XPO7: variants seen among roughly 807,000 people sequenced by gnomAD.
XPO7 encodes the protein exportin 7.
In XPO7, 21 loss-of-function variants were observed where a neutral mutation model predicts 144.3. The observed-to-expected ratio is 0.15, with a 90% CI of 0.10 to 0.21. XPO7 has a LOEUF of 0.21. Ranked by LOEUF, XPO7 falls within the 10% of genes least tolerant of loss-of-function variation. The probability of loss-of-function intolerance (pLI) is 1.00; values close to 1 mark genes in which losing one functional copy is unlikely to be tolerated. For synonymous variants in XPO7, 580 were observed against 499.6 expected (o/e 1.16, Z -2.15); for missense variants, 808 against 1,325.8 (o/e 0.61, Z 6.06).
At chr8:21,990,692 C>T in intron 17 of XPO7, 119 bp from the exon 18 acceptor site, 1 of 1,074,202 alleles carries the variant, frequency 9.3e-7, no homozygotes. Flanking sequence ...CCTTCAGATC[C>T]TCAAGGAATG....
At chr8:21,933,201 A>G (rs1022124634) in intron 1 of XPO7, among the ~76,000 whole-genome samples, 1 of 149,756 alleles carries the variant, frequency 6.7e-6, no homozygotes, top group Non-Finnish European at 1.5e-5. Flanking sequence ...CCTGGGTTCA[A>G]GTGATTCTCC....
chr8:21,977,240 TGAAAGAA>T (rs1339803158), intron 7 of XPO7, among the ~76,000 whole-genome samples: 3 of 152,168 alleles, frequency 2.0e-5, no homozygotes, highest in African/African-American at 7.2e-5. Context: ...CTCAGAGAAT[TGAAAGAA>T]GAAATCTGTT....
intron 1 of XPO7, among the ~76,000 whole-genome samples, chr8:21,960,977 ATAAT>A (rs1206448439): frequency 1.7e-4 from 26 of 152,368 alleles, no homozygotes; most frequent in African/African-American, 6.0e-4. Context: ...AAATATATAA[ATAAT>A]TAAAGTATGC....
intron 1 of XPO7, among the ~76,000 whole-genome samples, chr8:21,959,586 A>G (rs1214062330): frequency 6.6e-6 from 1 of 152,166 alleles, no homozygotes; most frequent in African/African-American, 2.4e-5. Flanking sequence ...ATCCTACACT[A>G]CAATCACAAG....
At chr8:22,001,253 C>T (rs1456257970) in intron 24 of XPO7, among the ~76,000 whole-genome samples, 1 of 151,592 alleles carries the variant, frequency 6.6e-6, no homozygotes, top group African/African-American at 2.4e-5. Flanking sequence ...CTGTGGTGAG[C>T]CGAGATCGTG....
chr8:21,978,768 G>A (rs1260450012), intron 8 of XPO7, among the ~76,000 whole-genome samples: 2 of 152,190 alleles, frequency 1.3e-5, no homozygotes, highest in Non-Finnish European at 2.9e-5. Context: ...TGGACAACAA[G>A]AACTACAGCC....
At chr8:21,966,636 A>C (rs1811893297) in intron 1 of XPO7, among the ~76,000 whole-genome samples, 1 of 104,650 alleles carries the variant, frequency 9.6e-6, no homozygotes, top group African/African-American at 4.1e-5. Flanking sequence ...ATGATGAAAA[A>C]GTTATATAGG....
intron 5 of XPO7, 61 bp from the exon 6 acceptor site, chr8:21,974,609 A>G (rs574012527): frequency 2.6e-6 from 3 of 1,165,794 alleles, no homozygotes; most frequent in South Asian, 3.0e-5. Context: ...TAGGAAGTCT[A>G]CATGAAAAAT....
At chr8:21,982,942 TCTTC>T in intron 11 of XPO7, 130 bp downstream of exon 11, 2 of 1,160,952 alleles carry the variant, frequency 1.7e-6, no homozygotes, top group Non-Finnish European at 2.4e-6. Context: ...TCATGGTTCT[TCTTC>T]CTTGTCAGCA....
intron 4 of XPO7, among the ~76,000 whole-genome samples, chr8:21,971,132 C>A (rs942534856): frequency 1.1e-4 from 16 of 152,186 alleles, no homozygotes; most frequent in African/African-American, 3.9e-4. Context: ...AGTATAGTCA[C>A]GTGGTGTACA....
chr8:21,936,075 T>C (rs1810812551), intron 1 of XPO7, among the ~76,000 whole-genome samples: 1 of 152,218 alleles, frequency 6.6e-6, no homozygotes, highest in Non-Finnish European at 1.5e-5. Context: ...TCTTACCACC[T>C]ATCAGACAAT....
intron 16 of XPO7, 88 bp from the exon 17 acceptor site, chr8:21,990,256 G>A (rs1812726023): frequency 2.3e-6 from 3 of 1,324,392 alleles, no homozygotes; most frequent in African/African-American, 1.5e-5. Flanking sequence ...ATATTTGGGT[G>A]AACTGTCCTT....
intron 8 of XPO7, among the ~76,000 whole-genome samples, chr8:21,979,053 A>G (rs943734428): frequency 6.6e-6 from 1 of 152,188 alleles, no homozygotes; most frequent in African/African-American, 2.4e-5. Flanking sequence ...CTTCAGGGAT[A>G]AAGCTGGGTT....
chr8:21,960,460 A>G (rs1275576102), intron 1 of XPO7, among the ~76,000 whole-genome samples: 2 of 152,346 alleles, frequency 1.3e-5, no homozygotes, highest in East Asian at 1.9e-4. Context: ...GTGACTAGGT[A>G]CATTCTGGCT....
intron 1 of XPO7, among the ~76,000 whole-genome samples, chr8:21,938,321 A>G (rs574660138): frequency 9.2e-5 from 14 of 152,348 alleles, no homozygotes; most frequent in African/African-American, 3.4e-4. Flanking sequence ...TTTGAAAGTT[A>G]TGGAATTCAT....
intron 1 of XPO7, among the ~76,000 whole-genome samples, chr8:21,934,620 C>T (rs1310758193): frequency 6.6e-6 from 1 of 151,942 alleles, no homozygotes; most frequent in African/African-American, 2.4e-5. Context: ...GGACAGTGTA[C>T]CAGACAAAAA....
intron 1 of XPO7, among the ~76,000 whole-genome samples, chr8:21,927,772 C>T (rs184294410): frequency 8.6e-5 from 13 of 152,006 alleles, no homozygotes; most frequent in African/African-American, 2.4e-4. Flanking sequence ...CTTGAGCTCC[C>T]GACCTCAGGT....
At chr8:21,985,483 C>G (rs1207694822) in intron 12 of XPO7, 103 bp from the exon 13 acceptor site, 12 of 1,098,264 alleles carry the variant, frequency 1.1e-5, no homozygotes, top group African/African-American at 1.5e-5. Flanking sequence ...AGTAAGACTT[C>G]ATGGTTTCAC....
chr8:21,976,860 T>A (rs1228922833), intron 7 of XPO7, among the ~76,000 whole-genome samples: 1 of 152,128 alleles, frequency 6.6e-6, no homozygotes, highest in African/African-American at 2.4e-5. Flanking sequence ...GGTCTAACAA[T>A]GTTGCCCAAG....
Sources: gnomAD v4.1 joint callset for allele counts (sites outside exome capture counted in the v4.1 genomes callset) on GRCh38, gnomAD v4.1.1 for gene constraint, MANE v1.5 for transcripts, NCBI Gene and HGNC (gene_info 2026-07-23, HGNC 2026-07-21) for gene names.